The following ABCB11 variants were observed in gnomAD, a reference collection of about 807,000 sequenced individuals.
ABCB11 encodes the protein bile salt export pump.
Under a neutral mutation model 148.0 loss-of-function variants are expected in ABCB11, and 95 were observed. That is an observed-to-expected ratio of 0.64 (90% CI 0.54 to 0.76). The LOEUF is 0.76. Among genes scored for constraint, ABCB11 ranks in the 30% least tolerant of loss-of-function variants. ABCB11 has a pLI of 0.00. For synonymous variants in ABCB11, 591 were observed against 555.4 expected, an observed-to-expected ratio of 1.06 and a Z score of -0.90; for missense variants, 1,523 against 1,617.8, an observed-to-expected ratio of 0.94 and a Z score of 1.01.
rs977484392 is a variant in ABCB11, at chr2:168,967,554, A to G, written c.2075+873T>C. ...AAGGCTCTTTAACAACTTTTCAATA[A>G]ATAATTATCCATCTTGAATGAGCAA... On this transcript the variant is annotated intron_variant, in intron 17 of 27. Transcript: ENST00000650372. Among the ~76,000 whole-genome samples, 5 of 151,936 alleles carry G rather than the reference A, an allele frequency of 3.3e-5. 1 individual carries two copies. The highest frequency in any genetic ancestry group is 1.2e-4 in the African/African-American group (5 of 41,422).
chr2:168,923,826 C>G lies in ABCB11; in HGVS notation c.3766-4G>C, dbSNP rs575836219. On this transcript the variant is annotated splice_polypyrimidine_tract_variant and splice_region_variant and intron_variant, in intron 27 of 27. Coordinates refer to ENST00000650372, the MANE Select transcript of ABCB11 (RefSeq NM_003742.4). ...TGTCTAGAGCAACCTGCACCGTCTGCAAAGAGAAGATGGAAAGTTGATGCA... is the reference window on the plus strand; with the variant it reads ...TGTCTAGAGCAACCTGCACCGTCTGGAAAGAGAAGATGGAAAGTTGATGCA... 6.2e-7 allele frequency: 1 copy of G among 1,613,718 alleles called. No individual in the cohort carries two copies. Among genetic ancestry groups the G allele is most frequent in the Admixed American group, 1.7e-5 (1 of 60,010 alleles).
intron 23 of ABCB11, among the ~76,000 whole-genome samples, chr2:168,934,311 A>G (rs932311131): frequency 2.0e-5 from 3 of 152,088 alleles, no homozygotes; most frequent in African/African-American, 7.2e-5. Flanking sequence ...TCATGGCTAG[A>G]GAAGGAAACC....
At chr2:168,953,839 G>A (rs1476024258) in intron 19 of ABCB11, among the ~76,000 whole-genome samples, 2 of 151,700 alleles carry the variant, frequency 1.3e-5, no homozygotes, top group African/African-American at 4.8e-5. Context: ...CTTTGGAGAG[G>A]CTAATCAGAA....
chr2:168,950,507 G>A (rs963580496), intron 19 of ABCB11, among the ~76,000 whole-genome samples: 4 of 151,484 alleles, frequency 2.6e-5, no homozygotes, highest in African/African-American at 9.7e-5. Flanking sequence ...TCTCTTTGTG[G>A]TTTTAATTTA....
intron 19 of ABCB11, among the ~76,000 whole-genome samples, chr2:168,954,208 T>C (rs1253870968): frequency 1.5e-5 from 2 of 137,238 alleles, no homozygotes; most frequent in Non-Finnish European, 3.2e-5. Flanking sequence ...ATTTTATAAA[T>C]TGTTTCCCTC....
downstream of ABCB11, among the ~76,000 whole-genome samples, chr2:168,920,186 C>T (rs775914233): frequency 6.6e-6 from 1 of 152,088 alleles, no homozygotes; most frequent in Admixed American, 6.5e-5. Flanking sequence ...AATTCTTTAT[C>T]GATTATATGT....
intron 6 of ABCB11, among the ~76,000 whole-genome samples, chr2:168,995,998 A>AAC (rs1305133379): frequency 2.7e-5 from 4 of 150,886 alleles, no homozygotes; most frequent in African/African-American, 9.7e-5. Context: ...AAAAAAAAAA[A>AAC]AGCCTGTCAT....
intron 5 of ABCB11, among the ~76,000 whole-genome samples, chr2:169,011,828 T>A (rs1423918320): frequency 6.6e-6 from 1 of 152,092 alleles, no homozygotes; most frequent in Non-Finnish European, 1.5e-5. Context: ...AGCCAAGCTA[T>A]TTTTTAAAAA....
chr2:168,995,531 G>A, intron 6 of ABCB11, 49 bp from the exon 7 acceptor site: 1 of 1,567,702 alleles, frequency 6.4e-7, no homozygotes, highest in Non-Finnish European at 8.6e-7. Context: ...TGAAATATTT[G>A]TTAATTTCTT....
At chr2:168,919,513 A>G (rs1372111485), downstream of ABCB11, among the ~76,000 whole-genome samples, 1 of 152,098 alleles carries the variant, frequency 6.6e-6, no homozygotes. Context: ...GCACACCTGT[A>G]ATCCTGGGAT....
chr2:169,008,506 C>T lies in ABCB11; in HGVS notation c.389+4766G>A, dbSNP rs574939422. Among the ~76,000 whole-genome samples the T allele has an allele frequency of 4.6e-5, 7 of 152,242 alleles. No homozygotes were observed. The South Asian group carries it at 6.2e-4, about 14-fold the overall frequency. ...TAATCCAGGATAGTCTCCCCCATCT[C>T]GATATTGTTAACTGAATCACGTCTG... On this transcript the variant is annotated intron_variant, in intron 5 of 27. Transcript: ENST00000650372.
rs375087680 is a variant in ABCB11, at chr2:168,986,256, G to T, written c.937C>A (p.Arg313Ser). ...ACTATTCCTTTTCTAATTCCCCAAC[G>T]CTGGGCGAACACAAGATTTTTCTCA... ...RYEKNLVFAQ[R>S]WGIRKGIVMG... is the part of the protein sequence containing the mutation. The change falls in exon 10 of 28, where the codon CGT becomes AGT. Residue 313 changes from arginine to serine, a missense_variant. Arg to Ser is a moderately radical substitution (Grantham distance 110). Transcript: ENST00000650372. The T allele has an allele frequency of 1.1e-5, 18 of 1,612,744 alleles. No individual in the cohort carries two copies. The highest frequency in any genetic ancestry group is 1.5e-5 in the Non-Finnish European group (18 of 1,179,498).
At chr2:169,023,715 C>A (rs1695604443) in intron 1 of ABCB11, among the ~76,000 whole-genome samples, 1 of 152,150 alleles carries the variant, frequency 6.6e-6, no homozygotes, top group East Asian at 1.9e-4. Context: ...TTGTAATGTT[C>A]GTAGATATAT....
intron 17 of ABCB11, among the ~76,000 whole-genome samples, chr2:168,966,681 T>C (rs1394717607): frequency 6.6e-6 from 1 of 151,924 alleles, no homozygotes; most frequent in East Asian, 1.9e-4. Context: ...GAAAAGGAAC[T>C]TAGCCATCAG....
intron 26 of ABCB11, among the ~76,000 whole-genome samples, chr2:168,925,408 G>T (rs112666903): frequency 3.3e-5 from 5 of 152,332 alleles, no homozygotes; most frequent in African/African-American, 1.2e-4. Context: ...AATCACTCAT[G>T]CCTGGCATGG....
intron 2 of ABCB11, 94 bp downstream of exon 2, chr2:169,017,956 A>AT (rs1558930291): frequency 2.8e-6 from 3 of 1,054,710 alleles, no homozygotes; most frequent in South Asian, 2.5e-5. Context: ...ACTGTTGCTG[A>AT]TTTTTTTCTG....
intron 11 of ABCB11, among the ~76,000 whole-genome samples, chr2:168,978,445 C>G (rs1316234465): frequency 6.6e-6 from 1 of 151,684 alleles, no homozygotes; most frequent in Non-Finnish European, 1.5e-5. Flanking sequence ...CATCAATGAA[C>G]ATTTTTATGT....
chr2:169,021,520 C>A (rs1432199657), intron 1 of ABCB11, among the ~76,000 whole-genome samples: 1 of 151,898 alleles, frequency 6.6e-6, no homozygotes, highest in African/African-American at 2.4e-5. Context: ...ACATAGCCTG[C>A]AACTGTAATG....
intron 12 of ABCB11, among the ~76,000 whole-genome samples, chr2:168,975,457 T>A (rs189272383): frequency 7.4e-3 from 195 of 26,446 alleles, no homozygotes; most frequent in Middle Eastern, 0.062. Flanking sequence ...ATAAATATTT[T>A]TATATTTATA....
Sources: gnomAD v4.1 joint callset for allele counts (sites outside exome capture counted in the v4.1 genomes callset) on GRCh38, gnomAD v4.1.1 for gene constraint, MANE v1.5 for transcripts, NCBI Gene and HGNC (gene_info 2026-07-23, HGNC 2026-07-21) for gene names.